Variants in PAQR5 observed in about 807,000 individuals in gnomAD.
PAQR5 encodes progestin and adipoQ receptor family member 5.
Under a neutral mutation model 34.5 loss-of-function variants are expected in PAQR5, and 20 were observed. The observed-to-expected ratio is 0.58, with a 90% confidence interval of 0.41 to 0.84. The LOEUF (loss-of-function observed/expected upper bound fraction) is 0.84, where lower values mean the gene tolerates loss of function less well. Ranked by LOEUF, PAQR5 falls within the 40% of genes least tolerant of loss-of-function variation. The probability of loss-of-function intolerance (pLI) is 0.00; values close to 1 mark genes in which losing one functional copy is unlikely to be tolerated. For missense variants in PAQR5, 378 were observed against 412.7 expected (o/e 0.92, Z 0.73); for synonymous variants, 131 against 155.6 (o/e 0.84, Z 1.18).
At chr15:69,394,101 GTTTT>G (rs549479900) in intron 6 of PAQR5, among the ~76,000 whole-genome samples, 29 of 138,672 alleles carry the variant, frequency 2.1e-4, no homozygotes, top group African/African-American at 7.7e-4. Context: ...ACCATTGATT[GTTTT>G]TTTTTTGTTT....
chr15:69,360,128 C>A lies in PAQR5; in HGVS notation c.48C>A (p.Pro16=), dbSNP rs368230480. The part of the protein sequence containing the change: ...LPRLFSIDQI[P]QVFHEQGILF... Reference sequence around the variant, plus strand: ...GGCTGTTTAGCATAGACCAGATACCCCAGGTATGTGCTCTATTGATTATGA... The same window carrying A: ...GGCTGTTTAGCATAGACCAGATACCACAGGTATGTGCTCTATTGATTATGA... Residue 16 remains proline (P), a synonymous_variant, in exon 3 of 9, where the codon CCC becomes CCA. Coordinates refer to ENST00000395407, the MANE Select transcript of PAQR5 (RefSeq NM_017705.4). The A allele has an allele frequency of 1.2e-5, 19 of 1,610,662 alleles. No individual in the cohort carries two copies. The highest frequency in any genetic ancestry group is 1.6e-5 in the Non-Finnish European group (19 of 1,177,064).
chr15:69,356,490 A>G (rs1200322576), intron 2 of PAQR5, among the ~76,000 whole-genome samples: 3 of 152,228 alleles, frequency 2.0e-5, no homozygotes, highest in African/African-American at 7.2e-5. Context: ...TATAAAATAT[A>G]CATAACATTT....
intron 2 of PAQR5, among the ~76,000 whole-genome samples, chr15:69,338,657 T>A (rs541213226): frequency 6.6e-6 from 1 of 152,280 alleles, no homozygotes; most frequent in East Asian, 1.9e-4. Flanking sequence ...CACCTTGAGA[T>A]TAAGGTGTTA....
intron 2 of PAQR5, among the ~76,000 whole-genome samples, chr15:69,344,856 A>G (rs930386550): frequency 6.6e-6 from 1 of 152,104 alleles, no homozygotes; most frequent in Non-Finnish European, 1.5e-5. Flanking sequence ...TGCATTTTGG[A>G]AGGTCGAGGC....
Position 69,397,553 on chromosome 15 carries a change from A to G in PAQR5, c.598A>G (p.Ile200Val), listed in dbSNP as rs757284869. ...AYPYTWDSLP[I>V]FYRLFLFPGE... ...TCCGTACACCTGGGACTCCCTCCCC[A>G]TCTTCTACAGGGTAAGGACTGGCTG... Residue 200 changes from isoleucine (I) to valine (V), a missense_variant, in exon 7 of 9, where the codon ATC (isoleucine) becomes GTC (valine). Coordinates refer to ENST00000395407, the MANE Select transcript of PAQR5 (RefSeq NM_017705.4). 3.7e-6 allele frequency: 6 copies of G among 1,605,134 alleles called. No individual in the cohort carries two copies. The highest frequency in any genetic ancestry group is 1.7e-5 in the Admixed American group (1 of 59,986).
At chr15:69,354,811 A>T (rs987759008) in intron 2 of PAQR5, among the ~76,000 whole-genome samples, 5 of 152,208 alleles carry the variant, frequency 3.3e-5, no homozygotes, top group Non-Finnish European at 7.4e-5. Flanking sequence ...CAGTGTGGGC[A>T]GACACCATCC....
chr15:69,364,479 A>T (rs143198990), intron 3 of PAQR5, among the ~76,000 whole-genome samples: 4,213 of 131,644 alleles, frequency 0.032, 50 homozygotes, highest in African/African-American at 0.073. Flanking sequence ...TTATATATGT[A>T]ATATATATAC....
At chr15:69,375,251 T>C (rs532409837) in intron 3 of PAQR5, among the ~76,000 whole-genome samples, 35 of 152,308 alleles carry the variant, frequency 2.3e-4, no homozygotes, top group African/African-American at 8.4e-4. Flanking sequence ...TTGCTGCCTC[T>C]GCACAGAGTC....
chr15:69,313,602 G>A (rs919052785), intron 1 of PAQR5, among the ~76,000 whole-genome samples: 6 of 152,190 alleles, frequency 3.9e-5, no homozygotes, highest in African/African-American at 1.4e-4. Context: ...GGAAGAGCTC[G>A]AGCAGACAGT....
At chr15:69,366,766 T>G (rs1220476444) in intron 3 of PAQR5, among the ~76,000 whole-genome samples, 1 of 152,210 alleles carries the variant, frequency 6.6e-6, no homozygotes, top group Non-Finnish European at 1.5e-5. Context: ...CTATGCATAA[T>G]TGAGATGTGT....
chr15:69,326,989 T>A (rs1027305079), intron 1 of PAQR5, among the ~76,000 whole-genome samples: 54 of 151,980 alleles, frequency 3.6e-4, no homozygotes, highest in African/African-American at 1.3e-3. Flanking sequence ...TACAGTATCA[T>A]GCTGGGTTTT....
chr15:69,395,650 AGT>A (rs2056403064), intron 6 of PAQR5, among the ~76,000 whole-genome samples: 1 of 152,178 alleles, frequency 6.6e-6, no homozygotes, highest in Non-Finnish European at 1.5e-5. Flanking sequence ...CACAAAGGTT[AGT>A]GACCTGCCGA....
At chr15:69,383,630 G>GC (rs2055998700) in intron 4 of PAQR5, among the ~76,000 whole-genome samples, 4 of 114,274 alleles carry the variant, frequency 3.5e-5, no homozygotes, top group Non-Finnish European at 7.3e-5. Context: ...TGGAGGGTGA[G>GC]TGGCCCTCTG....
chr15:69,399,349 C>A (rs2056550987), intron 7 of PAQR5, among the ~76,000 whole-genome samples: 1 of 152,226 alleles, frequency 6.6e-6, no homozygotes, highest in African/African-American at 2.4e-5. Flanking sequence ...CTTCTTCCTC[C>A]TCCTCAGGAT....
Position 69,397,061 on chromosome 15 carries a change from G to A in PAQR5, c.513-407G>A, listed in dbSNP as rs918463399. The A allele has an allele frequency of 2.9e-5, 12 of 408,304 alleles. No individual in the cohort carries two copies. In the East Asian group the frequency reaches 7.7e-4, roughly 26 times the overall value. The allele number at this position is 408,304 out of a possible 1,614,324, so 25.3% of individuals were successfully genotyped here. ...ACTAGATGGGTGCATCTCAGCCTCT[G>A]CAGAGTGTGCCCCCCAAGAGTCTGT... On this transcript the variant is annotated intron_variant, in intron 6 of 8. Coordinates refer to ENST00000395407, the MANE Select transcript of PAQR5 (RefSeq NM_017705.4).
intron 1 of PAQR5, among the ~76,000 whole-genome samples, chr15:69,302,227 C>T (rs1333323458): frequency 9.2e-5 from 14 of 152,184 alleles, no homozygotes; most frequent in Admixed American, 8.5e-4. Flanking sequence ...CATGCACCAC[C>T]GTGCCCAGCT....
At chr15:69,389,894 A>C in intron 6 of PAQR5, 114 bp downstream of exon 6, 1 of 1,248,314 alleles carries the variant, frequency 8.0e-7, no homozygotes, top group Non-Finnish European at 1.1e-6. Flanking sequence ...GTGCTTGGGA[A>C]CCTAGGACTC....
chr15:69,342,443 C>G (rs1182140712), intron 2 of PAQR5, among the ~76,000 whole-genome samples: 1 of 152,116 alleles, frequency 6.6e-6, no homozygotes, highest in Non-Finnish European at 1.5e-5. Flanking sequence ...ATATTAGTCT[C>G]TTATAGACAT....
At chr15:69,386,437 T>C (rs931318355) in intron 5 of PAQR5, among the ~76,000 whole-genome samples, 1 of 152,122 alleles carries the variant, frequency 6.6e-6, no homozygotes, top group Admixed American at 6.5e-5. Flanking sequence ...CAGGCTTTGA[T>C]GGGTTTGCAG....
Sources: gnomAD v4.1 joint callset for allele counts (sites outside exome capture counted in the v4.1 genomes callset) on GRCh38, gnomAD v4.1.1 for gene constraint, MANE v1.5 for transcripts, NCBI Gene and HGNC (gene_info 2026-07-23, HGNC 2026-07-21) for gene names.